The following CDYL2 variants were observed in gnomAD, a reference collection of about 807,000 sequenced individuals.
CDYL2 encodes chromodomain Y like 2, also known as chromodomain Y-like protein 2.
In CDYL2, 23 loss-of-function variants were observed where a neutral mutation model predicts 49.4. The ratio of observed to expected loss-of-function variants is 0.47; its 90% CI spans 0.34 to 0.66. CDYL2 has a LOEUF of 0.66. Among genes scored for constraint, CDYL2 ranks in the 30% least tolerant of loss-of-function variants. The pLI, the probability that CDYL2 is intolerant of heterozygous loss-of-function variation, is 0.01. For missense variants in CDYL2, 678 were observed against 656.4 expected (o/e 1.03, Z -0.36); for synonymous variants, 360 against 268.8 (o/e 1.34, Z -3.32).
intron 2 of CDYL2, among the ~76,000 whole-genome samples, chr16:80,660,557 A>G (rs961569504): frequency 2.2e-4 from 34 of 152,340 alleles, no homozygotes; most frequent in Admixed American, 2.2e-3. Context: ...TAGGAATGAG[A>G]GAGGGAACAG....
chr16:80,666,962 G>C (rs902037572), intron 2 of CDYL2, among the ~76,000 whole-genome samples: 1 of 152,200 alleles, frequency 6.6e-6, no homozygotes, highest in African/African-American at 2.4e-5. Context: ...GCTTCTGATC[G>C]AGTGAAAGAG....
chr16:80,746,625 C>G (rs376956724), intron 1 of CDYL2, among the ~76,000 whole-genome samples: 3 of 152,328 alleles, frequency 2.0e-5, no homozygotes, highest in East Asian at 1.9e-4. Context: ...ACAGCCCAGG[C>G]GGGATCTTCC....
chr16:80,651,524 C>T (rs1416906400), intron 2 of CDYL2, among the ~76,000 whole-genome samples: 2 of 152,154 alleles, frequency 1.3e-5, no homozygotes, highest in East Asian at 1.9e-4. Flanking sequence ...ATGGAGAATA[C>T]TAGACATTAA....
chr16:80,778,596 A>C (rs1042073257), intron 1 of CDYL2, among the ~76,000 whole-genome samples: 3 of 152,044 alleles, frequency 2.0e-5, no homozygotes, highest in African/African-American at 7.2e-5. Flanking sequence ...TTGGGGAGAA[A>C]TATTATGTTC....
rs957074852 is a variant in CDYL2, at chr16:80,648,114, G to A, written c.617-14878C>T. On this transcript the variant is annotated intron_variant, in intron 2 of 6. Coordinates refer to ENST00000570137, the MANE Select transcript of CDYL2 (RefSeq NM_152342.4). ...TGCATCTTAAAGAACAAGAAAGCAA[G>A]AGCAAACCAAACCCAAAATTAGTAG... Among the ~76,000 whole-genome samples the A allele has an allele frequency of 4.0e-5, 6 of 151,420 alleles. No homozygotes were observed. The South Asian group carries it at 6.3e-4, about 16-fold the overall frequency.
rs779344473 is a variant in CDYL2 at position 80,684,518 on chromosome 16, G to A, written c.616+20C>T. 1.9e-6 allele frequency: 3 copies of A among 1,599,662 alleles called. No homozygotes were observed. The highest frequency in any genetic ancestry group is 4.5e-5 in the East Asian group (2 of 44,750). On this transcript the variant is annotated intron_variant, in intron 2 of 6. Transcript: ENST00000570137. The stretch of plus-strand genomic sequence containing the variant: ...TCGCCATGGCCAGAGCCAAACCCAA[G>A]AGAAAGAAAAGCTACAAACCGAGCC...
At position 80,767,047 on chromosome 16, in the gene CDYL2, G is replaced by A. The variant is rs116024909; in HGVS notation, c.24+37103C>T. Among the ~76,000 whole-genome samples, 1,499 of 152,224 alleles carry A rather than the reference G, an allele frequency of 9.8e-3. 26 individuals carry two copies. The highest frequency in any genetic ancestry group is 0.034 in the African/African-American group (1,422 of 41,540). The stretch of plus-strand genomic sequence containing the variant: ...ACACTGGTCATTGCAGACCTAGGCT[G>A]TGAACTTATCAGTGTGGTCCCAGAA... On this transcript the variant is annotated intron_variant, in intron 1 of 6. Transcript: ENST00000570137.
At chr16:80,712,721 T>C (rs898646459) in intron 1 of CDYL2, among the ~76,000 whole-genome samples, 1 of 152,004 alleles carries the variant, frequency 6.6e-6, no homozygotes, top group Non-Finnish European at 1.5e-5. Flanking sequence ...AGCTCTGGGA[T>C]GAATGGGAAA....
chr16:80,673,953 C>T (rs1909637245), intron 2 of CDYL2, among the ~76,000 whole-genome samples: 2 of 152,124 alleles, frequency 1.3e-5, no homozygotes, highest in Admixed American at 6.5e-5. Flanking sequence ...CCGAGGAGAA[C>T]GTGCAGCCTC....
chr16:80,631,603 T>C (rs1316657930), intron 3 of CDYL2, among the ~76,000 whole-genome samples: 1 of 152,176 alleles, frequency 6.6e-6, no homozygotes, highest in Non-Finnish European at 1.5e-5. Context: ...ATCAAAAAAG[T>C]AAAACATCAA....
intron 2 of CDYL2, among the ~76,000 whole-genome samples, chr16:80,643,833 C>A (rs1428262388): frequency 6.6e-6 from 1 of 152,218 alleles, no homozygotes; most frequent in African/African-American, 2.4e-5. Flanking sequence ...TTCCCCTAGG[C>A]CTCCAGGCCT....
intron 1 of CDYL2, among the ~76,000 whole-genome samples, chr16:80,793,623 T>C (rs1352461214): frequency 6.6e-6 from 1 of 152,204 alleles, no homozygotes; most frequent in African/African-American, 2.4e-5. Flanking sequence ...GAATACAACC[T>C]TGGATAATAC....
At chr16:80,774,435 G>A (rs1907012844) in intron 1 of CDYL2, among the ~76,000 whole-genome samples, 1 of 152,136 alleles carries the variant, frequency 6.6e-6, no homozygotes, top group Admixed American at 6.6e-5. Flanking sequence ...ATCAACAGGT[G>A]CAAAGCTTCA....
At chr16:80,606,129 G>A (rs2142356907) in intron 6 of CDYL2, among the ~76,000 whole-genome samples, 1 of 152,348 alleles carries the variant, frequency 6.6e-6, no homozygotes. Context: ...GACTGGGAGG[G>A]GCTGCACCCT....
chr16:80,608,202 T>A lies in CDYL2; in HGVS notation c.1252A>T (p.Thr418Ser). Reference sequence around the variant, plus strand: ...CCCCTGCTGCAGGCCTCCTGGGCGGTGAGCTTCCGCCCACAGAACAGCATC... The same window carrying A: ...CCCCTGCTGCAGGCCTCCTGGGCGGAGAGCTTCCGCCCACAGAACAGCATC... ...NEMLFCGRKL[T>S]AQEACSRGLV... The change falls in exon 6 of 7, where the codon ACC (threonine) becomes TCC (serine). Residue 418 changes from threonine (T) to serine (S), a missense_variant. Around this residue, in one of 3 missense-constraint regions of CDYL2, gnomAD observed 153 missense variants for 150.6 expected, o/e 1.02. Coordinates refer to ENST00000570137, the MANE Select transcript of CDYL2 (RefSeq NM_152342.4). The A allele has an allele frequency of 6.3e-7, 1 of 1,592,094 alleles. No homozygotes were observed. The highest frequency in any genetic ancestry group is 8.6e-7 in the Non-Finnish European group (1 of 1,168,872).
chr16:80,759,101 A>AATATATAT (rs1906421754), intron 1 of CDYL2, among the ~76,000 whole-genome samples: 3 of 29,300 alleles, frequency 1.0e-4, no homozygotes, highest in African/African-American at 5.4e-4. Flanking sequence ...CAAACCATAT[A>AATATATAT]CTATATATAT....
chr16:80,737,264 T>C lies in CDYL2; in HGVS notation c.25-52135A>G, dbSNP rs550925823. Among the ~76,000 whole-genome samples the C allele has an allele frequency of 5.3e-5, 8 of 152,242 alleles. No homozygotes were observed. In the South Asian group the frequency reaches 1.0e-3, roughly 20 times the overall value. On this transcript the variant is annotated intron_variant, in intron 1 of 6. Coordinates refer to ENST00000570137, the MANE Select transcript of CDYL2 (RefSeq NM_152342.4). ...TGTTAACACTTTTGCAGAGGATGGATTTGCTTGAGTTTCCTTTCTGGTATA... is the reference window on the plus strand; with the variant it reads ...TGTTAACACTTTTGCAGAGGATGGACTTGCTTGAGTTTCCTTTCTGGTATA...
intron 1 of CDYL2, among the ~76,000 whole-genome samples, chr16:80,720,532 T>C (rs1457117440): frequency 1.3e-5 from 2 of 152,234 alleles, no homozygotes; most frequent in East Asian, 1.9e-4. Context: ...GCAAGGACAC[T>C]GTTCTCTGCT....
chr16:80,676,963 A>T (rs56408975), intron 2 of CDYL2, among the ~76,000 whole-genome samples: 3,272 of 59,974 alleles, frequency 0.055, 201 homozygotes, highest in African/African-American at 0.076. Flanking sequence ...AATTCAATGT[A>T]TTTTTTTTTT....
Sources: allele counts gnomAD v4.1 joint callset (sites outside exome capture counted in the v4.1 genomes callset), GRCh38; gene constraint gnomAD v4.1.1; regional missense constraint gnomAD v4.1.1; transcripts MANE v1.5; gene names NCBI Gene and HGNC (gene_info 2026-07-23, HGNC 2026-07-21).